ZCWPW2: variants seen among roughly 807,000 people sequenced by gnomAD.
The protein encoded by ZCWPW2 is zinc finger CW-type and PWWP domain containing 2.
Under a neutral mutation model 46.6 loss-of-function variants are expected in ZCWPW2, and 45 were observed. That is an observed-to-expected ratio of 0.96 (90% confidence interval 0.76 to 1.24). The LOEUF is 1.24. Among genes scored for constraint, ZCWPW2 ranks in the 50% most tolerant of loss-of-function variants. ZCWPW2 has a pLI of 0.00. For missense variants in ZCWPW2, 429 were observed against 403.9 expected, an observed-to-expected ratio of 1.06 and a Z score of -0.53; for synonymous variants, 152 against 137.1, an observed-to-expected ratio of 1.11 and a Z score of -0.76.
At chr3:28,446,860 A>G (rs1698012754) in intron 4 of ZCWPW2, among the ~76,000 whole-genome samples, 1 of 152,158 alleles carries the variant, frequency 6.6e-6, no homozygotes, top group Admixed American at 6.5e-5. Context: ...CATAAATAAA[A>G]ATGACTATAA....
chr3:28,403,011 C>A (rs568696049), intron 2 of ZCWPW2, among the ~76,000 whole-genome samples: 7 of 152,258 alleles, frequency 4.6e-5, no homozygotes, highest in African/African-American at 1.7e-4. Context: ...CCACTCTCAC[C>A]ACTTCTCTTC....
chr3:28,407,987 A>G (rs374206122), intron 2 of ZCWPW2, among the ~76,000 whole-genome samples: 20 of 152,322 alleles, frequency 1.3e-4, no homozygotes, highest in Non-Finnish European at 1.8e-4. Context: ...AATGTAATGG[A>G]ATCAATGAGA....
At chr3:28,504,154 G>A (rs569830595) in intron 6 of ZCWPW2, among the ~76,000 whole-genome samples, 7 of 151,922 alleles carry the variant, frequency 4.6e-5, no homozygotes, top group Admixed American at 2.0e-4. Context: ...CCAAGATTGC[G>A]CCACTGCACT....
chr3:28,501,321 A>G, intron 6 of ZCWPW2, among the ~76,000 whole-genome samples: 1 of 152,132 alleles, frequency 6.6e-6, no homozygotes, highest in East Asian at 1.9e-4. Flanking sequence ...TTATTATGCC[A>G]GCTCAGATTG....
At chr3:28,483,705 T>A (rs1489024453) in intron 5 of ZCWPW2, among the ~76,000 whole-genome samples, 1 of 152,186 alleles carries the variant, frequency 6.6e-6, no homozygotes, top group African/African-American at 2.4e-5. Context: ...TGTATTTCTT[T>A]TTAGATTTAT....
At chr3:28,391,470 C>T (rs1222385237) in intron 2 of ZCWPW2, among the ~76,000 whole-genome samples, 1 of 152,056 alleles carries the variant, frequency 6.6e-6, no homozygotes, top group Non-Finnish European at 1.5e-5. Flanking sequence ...TAACAACATC[C>T]AGCAATGCAG....
intron 3 of ZCWPW2, among the ~76,000 whole-genome samples, chr3:28,432,610 T>C (rs1697309106): frequency 6.6e-6 from 1 of 152,192 alleles, no homozygotes; most frequent in Non-Finnish European, 1.5e-5. Flanking sequence ...ACTTAGTTGA[T>C]ATATAAGTGC....
intron 6 of ZCWPW2, among the ~76,000 whole-genome samples, chr3:28,500,346 C>T (rs1234777715): frequency 3.3e-5 from 5 of 152,018 alleles, no homozygotes; most frequent in African/African-American, 1.2e-4. Flanking sequence ...GTTTGGTTCT[C>T]TATCCATTTT....
In ZCWPW2 at chr3:28,517,621, A is replaced by C. The variant is rs954531781; in HGVS notation, c.784+2000A>C. ...CCCACTTCCAACACTGTAGATTACAATTCAACATGAGATTTGGGCAGAGAC... is the reference window on the plus strand; with the variant it reads ...CCCACTTCCAACACTGTAGATTACACTTCAACATGAGATTTGGGCAGAGAC... On this transcript the variant is annotated intron_variant, in intron 8 of 9. Transcript: ENST00000383768. Among the ~76,000 whole-genome samples the C allele has an allele frequency of 3.3e-5, 5 of 152,160 alleles. No homozygotes were observed. In the East Asian group the frequency reaches 9.6e-4, roughly 29 times the overall value.
intron 4 of ZCWPW2, among the ~76,000 whole-genome samples, chr3:28,450,618 T>G (rs141142444): frequency 6.6e-6 from 1 of 152,204 alleles, no homozygotes; most frequent in Non-Finnish European, 1.5e-5. Flanking sequence ...TCTGATGCTA[T>G]GATGCTCCTA....
At chr3:28,389,814 G>A (rs1026142275) in intron 1 of ZCWPW2, among the ~76,000 whole-genome samples, 5 of 152,180 alleles carry the variant, frequency 3.3e-5, no homozygotes, top group African/African-American at 1.2e-4. Context: ...ACTCAGGGAA[G>A]AGTTGCAGTT....
At chr3:28,361,884 G>A (rs1704957293) in intron 1 of ZCWPW2, among the ~76,000 whole-genome samples, 1 of 152,090 alleles carries the variant, frequency 6.6e-6, no homozygotes, top group Non-Finnish European at 1.5e-5. Flanking sequence ...AAGTGTTGGT[G>A]AGGATGTGGA....
intron 5 of ZCWPW2, among the ~76,000 whole-genome samples, chr3:28,489,813 A>G (rs1277664441): frequency 6.6e-6 from 1 of 152,100 alleles, no homozygotes; most frequent in Non-Finnish European, 1.5e-5. Context: ...TAAATCTCAC[A>G]ATATTCTAGT....
At chr3:28,453,797 ATATTTATTTATTTATTTATT>A (rs202155639) in intron 4 of ZCWPW2, among the ~76,000 whole-genome samples, 1 of 148,144 alleles carries the variant, frequency 6.8e-6, no homozygotes, top group Non-Finnish European at 1.5e-5. Flanking sequence ...ATAATTGTGT[ATATTTATTTATTTATTTATT>A]TATTTATTTA....
chr3:28,381,193 C>G (rs930065720), intron 1 of ZCWPW2, among the ~76,000 whole-genome samples: 3 of 149,846 alleles, frequency 2.0e-5, no homozygotes, highest in African/African-American at 7.4e-5. Context: ...CATTTGTCCT[C>G]CTCAAAGTTC....
intron 7 of ZCWPW2, 109 bp from the exon 8 acceptor site, chr3:28,515,445 G>T: frequency 1.2e-6 from 1 of 817,562 alleles, no homozygotes; most frequent in South Asian, 1.8e-5. Flanking sequence ...ATTACCTTTA[G>T]AAAATATATG....
intron 5 of ZCWPW2, among the ~76,000 whole-genome samples, chr3:28,489,341 T>A (rs1006435489): frequency 7.9e-5 from 12 of 152,114 alleles, no homozygotes; most frequent in Non-Finnish European, 1.8e-4. Flanking sequence ...TACTTTTTTT[T>A]AAAGATACAA....
intron 4 of ZCWPW2, chr3:28,448,154 A>T (rs1698069432): frequency 5.5e-6 from 1 of 182,774 alleles, no homozygotes; most frequent in Non-Finnish European, 1.2e-5. Context: ...AAAGAAGTAA[A>T]ATTATCTTTG....
At chr3:28,351,683 A>G (rs1704554720) in intron 1 of ZCWPW2, 1 of 151,652 alleles carries the variant, frequency 6.6e-6, no homozygotes, top group South Asian at 2.1e-4. Context: ...TTTAAATTGT[A>G]TATTTAATTT....
Sources: gnomAD v4.1 joint callset for allele counts (sites outside exome capture counted in the v4.1 genomes callset) on GRCh38, gnomAD v4.1.1 for gene constraint, MANE v1.5 for transcripts, NCBI Gene and HGNC (gene_info 2026-07-23, HGNC 2026-07-21) for gene names.